OTOF: variants seen among roughly 807,000 people sequenced by gnomAD.
OTOF encodes the protein fer-1-like family member 2.
A neutral mutation model predicts 236.8 loss-of-function variants in OTOF; 218 were observed. The ratio of observed to expected loss-of-function variants is 0.92; its 90% confidence interval spans 0.82 to 1.03. The LOEUF (loss-of-function observed/expected upper bound fraction) is 1.03. Among genes scored for constraint, OTOF ranks in the 50% least tolerant of loss-of-function variants. The pLI is 0.00. For synonymous variants in OTOF, 1,041 were observed against 1,072.5 expected, an observed-to-expected ratio of 0.97 and a Z score of 0.57; for missense variants, 2,590 against 2,694.4, an observed-to-expected ratio of 0.96 and a Z score of 0.86.
intron 39 of OTOF, among the ~76,000 whole-genome samples, 153 bp from the exon 40 acceptor site, chr2:26,464,259 G>C (rs1664623307): frequency 6.6e-6 from 1 of 152,134 alleles, no homozygotes; most frequent in Non-Finnish European, 1.5e-5. Flanking sequence ...GGCACAGAAG[G>C]AGAAGTGGCT....
At chr2:26,463,209 G>A (rs542999249) in intron 41 of OTOF, among the ~76,000 whole-genome samples, 1 of 152,282 alleles carries the variant, frequency 6.6e-6, no homozygotes, top group South Asian at 2.1e-4. Flanking sequence ...CAATGCACCG[G>A]AGTGTGCTGT....
intron 33 of OTOF, 68 bp downstream of exon 33, chr2:26,468,340 G>T: frequency 8.8e-7 from 1 of 1,134,958 alleles, no homozygotes; most frequent in Non-Finnish European, 1.3e-6. Flanking sequence ...CAGGTGATGA[G>T]GTGGGCAGGA....
At chr2:26,467,945 T>C (rs1664813261) in intron 33 of OTOF, among the ~76,000 whole-genome samples, 1 of 152,204 alleles carries the variant, frequency 6.6e-6, no homozygotes, top group Non-Finnish European at 1.5e-5. Context: ...GCTGGGGAAA[T>C]ATTTTATACT....
At chr2:26,526,115 A>G (rs1666796372) in intron 3 of OTOF, among the ~76,000 whole-genome samples, 1 of 86,956 alleles carries the variant, frequency 1.2e-5, no homozygotes, top group Non-Finnish European at 3.2e-5. Context: ...AAGGAAAAGA[A>G]AAAAGGTGGA....
chr2:26,502,485 C>A, intron 6 of OTOF, 59 bp from the exon 7 acceptor site: 1 of 1,546,988 alleles, frequency 6.5e-7, no homozygotes, highest in Non-Finnish European at 8.8e-7. Flanking sequence ...GTGACCATTT[C>A]TCCTTTTACT....
Position 26,464,921 on chromosome 2 carries a change from C to T in OTOF, c.4908G>A (p.Val1636=), listed in dbSNP as rs769992835. 2.3e-5 allele frequency: 37 copies of T among 1,594,792 alleles called. No individual in the cohort carries two copies. The highest frequency in any genetic ancestry group is 3.1e-5 in the Non-Finnish European group (36 of 1,170,158). The change falls in exon 39 of 47, where the codon GTG becomes GTA. Residue 1636 remains valine (V), a synonymous_variant. Transcript: ENST00000272371. ...DGPHFGPPGR[V]KVANRVFTGP... ...CAGTGAAGACGCGGTTGGCCACCTT[C>T]ACTCTCCCAGGGGGCCCAAAGTGGG... is the stretch of plus-strand genomic sequence containing the variant.
intron 18 of OTOF, among the ~76,000 whole-genome samples, chr2:26,478,364 G>A (rs1665418117): frequency 6.6e-6 from 1 of 152,222 alleles, no homozygotes; most frequent in African/African-American, 2.4e-5. Context: ...CATTGGCAGG[G>A]GGCTGGGAGC....
At position 26,463,563 on chromosome 2, in the gene OTOF, C is replaced by A. The variant is rs1342721638; in HGVS notation, c.5112G>T (p.Leu1704=). ...PDKPGIEQGR[L]ELWVDMFPMD... ...TGGGGAACATGTCCACCCACAGCTC[C>A]AGGCGGCCCTGAGGAAGAGGGTTGT... Residue 1704 remains leucine, a synonymous_variant, in exon 41 of 47, where the codon CTG becomes CTT. Transcript: ENST00000272371. The A allele has an allele frequency of 6.2e-7, 1 of 1,603,390 alleles. No homozygotes were observed. Among genetic ancestry groups the A allele is most frequent in the South Asian group, 1.1e-5 (1 of 88,710 alleles).
In OTOF at chr2:26,479,599, C is replaced by CGGGGCCGAGGCCGCT; in HGVS notation, c.1952_1966dup (p.Gln651_Pro655dup). ...TTCTTCCTCATCCCCCGGCTCCTTC[C>CGGGGCCGAGGCCGCT]GGGGCCGAGGCCGCTGGGGCCGGGA... On this transcript the variant is annotated inframe_insertion, in exon 17 of 47. Coordinates refer to ENST00000272371, the MANE Select transcript of OTOF (RefSeq NM_194248.3). 1 of 1,612,610 alleles carries CGGGGCCGAGGCCGCT rather than the reference C, an allele frequency of 6.2e-7. No individual in the cohort carries two copies. Among genetic ancestry groups the CGGGGCCGAGGCCGCT allele is most frequent in the Non-Finnish European group, 8.5e-7 (1 of 1,179,812 alleles).
rs1365139987 is a variant in OTOF, at chr2:26,483,659, A to G, written c.1206-11T>C. On this transcript the variant is annotated splice_polypyrimidine_tract_variant and intron_variant, in intron 12 of 46. Coordinates refer to ENST00000272371, the MANE Select transcript of OTOF (RefSeq NM_194248.3). ...GGGAGCAGCAAGTTCCTGCCAGCAC[A>G]TACAGCCAGGGCCATGGTCACCAGG... The G allele has an allele frequency of 6.2e-7, 1 of 1,611,046 alleles. No individual in the cohort carries two copies. Among genetic ancestry groups the G allele is most frequent in the Non-Finnish European group, 8.5e-7 (1 of 1,179,576 alleles).
chr2:26,481,980 G>A (rs1665551788), intron 14 of OTOF, among the ~76,000 whole-genome samples: 1 of 151,882 alleles, frequency 6.6e-6, no homozygotes, highest in Non-Finnish European at 1.5e-5. Context: ...CACAGGGCAG[G>A]GATCCTAGGA....
At chr2:26,498,670 C>G (rs949381694) in intron 8 of OTOF, among the ~76,000 whole-genome samples, 1 of 152,130 alleles carries the variant, frequency 6.6e-6, no homozygotes, top group Non-Finnish European at 1.5e-5. Context: ...TTCATGAAAG[C>G]GATCACAAGG....
intron 2 of OTOF, among the ~76,000 whole-genome samples, chr2:26,533,291 G>A (rs1025871912): frequency 4.6e-5 from 7 of 152,172 alleles, no homozygotes; most frequent in African/African-American, 1.7e-4. Flanking sequence ...ACCAGCCCCT[G>A]GTGCCAAAAA....
Position 26,473,889 on chromosome 2 carries a change from G to T in OTOF, c.3408+102C>A. On this transcript the variant is annotated intron_variant, in intron 27 of 46. Transcript: ENST00000272371. The surrounding 1 kb of genome is among the most constrained non-coding windows in gnomAD (Gnocchi z 7.2). ...GGGGCAGGAGCCTGGGTCTGCTGCT[G>T]GCTCCTGGTGATGGTGGTGGGAGGG... 6.7e-7 allele frequency: 1 copy of T among 1,496,884 alleles called. No individual in the cohort carries two copies. Among genetic ancestry groups the T allele is most frequent in the Non-Finnish European group, 9.3e-7 (1 of 1,075,854 alleles). The allele number at this position is 1,496,884 out of a possible 1,614,324, so 92.7% of individuals were successfully genotyped here.
chr2:26,526,293 G>C (rs1049087498), intron 3 of OTOF, among the ~76,000 whole-genome samples: 2 of 151,680 alleles, frequency 1.3e-5, no homozygotes, highest in Non-Finnish European at 2.9e-5. Flanking sequence ...TGGATGGATA[G>C]GATGAATGAA....
At chr2:26,515,173 G>A (rs1360593451) in intron 5 of OTOF, among the ~76,000 whole-genome samples, 1 of 152,240 alleles carries the variant, frequency 6.6e-6, no homozygotes, top group Non-Finnish European at 1.5e-5. Flanking sequence ...TGAGGAGAGA[G>A]GGTCAGAGAC....
intron 36 of OTOF, 31 bp from the exon 37 acceptor site, chr2:26,466,107 G>A (rs1215534794): frequency 6.2e-7 from 1 of 1,613,748 alleles, no homozygotes; most frequent in Non-Finnish European, 8.5e-7. Flanking sequence ...GCCTGAGCAG[G>A]CTCCCATGCC....
In OTOF at chr2:26,467,506, C is replaced by A; in HGVS notation, c.4091-5G>T. ...CCTTCATTGACCCCTTCAGGCCTGG[C>A]CAGAAGCAGAAAAGGAGGTGGAGCA... On this transcript the variant is annotated splice_polypyrimidine_tract_variant and splice_region_variant and intron_variant, in intron 33 of 46. Coordinates refer to ENST00000272371, the MANE Select transcript of OTOF (RefSeq NM_194248.3). The A allele has an allele frequency of 6.2e-7, 1 of 1,613,328 alleles. No individual in the cohort carries two copies. The highest frequency in any genetic ancestry group is 1.1e-5 in the South Asian group (1 of 90,920).
At chr2:26,532,092 C>CA (rs150580671) in intron 2 of OTOF, among the ~76,000 whole-genome samples, 2,497 of 79,942 alleles carry the variant, frequency 0.031, 100 homozygotes, top group African/African-American at 0.056. Flanking sequence ...GACTCCACCT[C>CA]AAAAAAAAAA....
Sources: allele counts gnomAD v4.1 joint callset (sites outside exome capture counted in the v4.1 genomes callset), GRCh38; gene constraint gnomAD v4.1.1; non-coding constraint Gnocchi (gnomAD v3.1); transcripts MANE v1.5; gene names NCBI Gene and HGNC (gene_info 2026-07-23, HGNC 2026-07-21).